The following TP53BP1 variants were observed in gnomAD, a reference collection of about 807,000 sequenced individuals.
TP53BP1 encodes the protein TP53-binding protein 1.
Under a neutral mutation model 200.8 loss-of-function variants are expected in TP53BP1, and 61 were observed. The ratio of observed to expected loss-of-function variants is 0.30; its 90% CI spans 0.25 to 0.38. TP53BP1 has a LOEUF of 0.38. Ranked by LOEUF, TP53BP1 falls within the 10% of genes least tolerant of loss-of-function variation. The probability of loss-of-function intolerance (pLI) is 1.00; values close to 1 mark genes in which losing one functional copy is unlikely to be tolerated. For missense variants in TP53BP1, 2,144 were observed against 2,371.9 expected (o/e 0.90, Z 2.00); for synonymous variants, 822 against 844.3 (o/e 0.97, Z 0.46).
Position 43,416,401 on chromosome 15 carries a change from T to G in TP53BP1, c.4697A>C (p.His1566Pro). The change falls in exon 22 of 28, where the codon CAT (histidine) becomes CCT (proline). Residue 1566 changes from histidine to proline, a missense_variant. His to Pro is a moderately conservative substitution (Grantham distance 77, BLOSUM62 -2). Around this residue, in one of 4 missense-constraint regions of TP53BP1, gnomAD observed 61 missense variants for 147.5 expected, o/e 0.41. Coordinates refer to ENST00000382044, the MANE Select transcript of TP53BP1 (RefSeq NM_001141980.3). ...EYFSAGVVKG[H>P]RKESGELYYS... ...GTACAGTTCCCCAGACTCCTTCCTA[T>G]GTCCTTTCACCACTCCTGGGGGGTG... 1 of 1,614,092 alleles carries G rather than the reference T, an allele frequency of 6.2e-7. No homozygotes were observed. Among genetic ancestry groups the G allele is most frequent in the Non-Finnish European group, 8.5e-7 (1 of 1,179,960 alleles).
chr15:43,421,241 C>G, intron 19 of TP53BP1, 67 bp from the exon 20 acceptor site: 1 of 1,561,344 alleles, frequency 6.4e-7, no homozygotes, highest in Non-Finnish European at 8.8e-7. Flanking sequence ...AAAGTCTCCC[C>G]TTGGCCCTCA....
Position 43,405,478 on chromosome 15 carries a change from A to G in TP53BP1, c.*1905T>C. On this transcript the variant is annotated 3_prime_UTR_variant, in exon 28 of 28. Transcript: ENST00000382044. Reference sequence around the variant, plus strand: ...GAACATTTGTTGGATATGTTCATTTATTCAATAGTCATTTATTGAGCACCT... The same window carrying G: ...GAACATTTGTTGGATATGTTCATTTGTTCAATAGTCATTTATTGAGCACCT... The G allele has an allele frequency of 1.8e-6, 1 of 546,830 alleles. No individual in the cohort carries two copies. The highest frequency in any genetic ancestry group is 2.4e-5 in the South Asian group (1 of 42,316). 33.9% of individuals were successfully genotyped at this position (546,830 alleles called of 1,614,324 possible).
intron 12 of TP53BP1, among the ~76,000 whole-genome samples, chr15:43,453,076 C>T (rs1427214229): frequency 2.0e-5 from 3 of 151,556 alleles, no homozygotes; most frequent in Admixed American, 6.6e-5. Flanking sequence ...CGCCTGTAAT[C>T]CCAGCTACTC....
chr15:43,461,141 C>T (rs1595585188), intron 11 of TP53BP1, among the ~76,000 whole-genome samples: 1 of 152,214 alleles, frequency 6.6e-6, no homozygotes, highest in East Asian at 1.9e-4. Context: ...TAATACTTAG[C>T]TACAAAATGG....
chr15:43,451,069 A>G (rs1193703956), intron 12 of TP53BP1, among the ~76,000 whole-genome samples: 4 of 152,108 alleles, frequency 2.6e-5, no homozygotes, highest in African/African-American at 9.7e-5. Flanking sequence ...AAATCAATAA[A>G]TCTATTAACA....
chr15:43,412,543 A>G, intron 24 of TP53BP1: 1 of 382,232 alleles, frequency 2.6e-6, no homozygotes, highest in Non-Finnish European at 5.3e-6. Context: ...AATGCAATGT[A>G]CAGATTTAAT....
chr15:43,471,979 T>C (rs552839235), intron 10 of TP53BP1, among the ~76,000 whole-genome samples: 27 of 152,334 alleles, frequency 1.8e-4, no homozygotes, highest in African/African-American at 6.5e-4. Context: ...ACAAACTTTG[T>C]AGCAGAAGAA....
intron 15 of TP53BP1, 121 bp from the exon 16 acceptor site, chr15:43,438,537 CT>C: frequency 1.4e-6 from 1 of 711,342 alleles, no homozygotes; most frequent in Non-Finnish European, 2.2e-6. Context: ...TCCAAACCAC[CT>C]TACACCAAAA....
chr15:43,430,239 C>T (rs1382161972), intron 17 of TP53BP1, among the ~76,000 whole-genome samples: 2 of 152,124 alleles, frequency 1.3e-5, no homozygotes, highest in Non-Finnish European at 2.9e-5. Context: ...AGTAGGCTGC[C>T]TATGCTTTTC....
In TP53BP1 at chr15:43,447,504, A is replaced by G; in HGVS notation, c.2717-19T>C. On this transcript the variant is annotated intron_variant, in intron 12 of 27. Transcript: ENST00000382044. ...GGGGTTTCTGAAAAAAAAAAAAAAA[A>G]GAAAAAAGAAAGAAAGAAAAAATGA... 6.8e-7 allele frequency: 1 copy of G among 1,463,204 alleles called. No individual in the cohort carries two copies. The highest frequency in any genetic ancestry group is 9.1e-7 in the Non-Finnish European group (1 of 1,098,338). 90.6% of individuals were successfully genotyped at this position (1,463,204 alleles called of 1,614,324 possible).
At position 43,404,503 on chromosome 15, in the gene TP53BP1, C is replaced by G; in HGVS notation, c.*2880G>C. On this transcript the variant is annotated 3_prime_UTR_variant, in exon 28 of 28. Coordinates refer to ENST00000382044, the MANE Select transcript of TP53BP1 (RefSeq NM_001141980.3). The stretch of plus-strand genomic sequence containing the variant: ...CTCAGATTTGGCTCAACTACTGTTA[C>G]GACTAGATTATAACAAATACTATAC... 1 of 1,614,108 alleles carries G rather than the reference C, an allele frequency of 6.2e-7. No homozygotes were observed. The highest frequency in any genetic ancestry group is 2.2e-5 in the East Asian group (1 of 44,872).
chr15:43,420,682 G>A lies in TP53BP1; in HGVS notation c.4304C>T (p.Ser1435Leu). The change falls in exon 21 of 28, where the codon TCA becomes TTA. Residue 1435 changes from serine (S) to leucine (L), a missense_variant. Physicochemically the swap from Ser to Leu is moderately radical, Grantham distance 145 (BLOSUM62 -2). Around this residue, in one of 4 missense-constraint regions of TP53BP1, gnomAD observed 1,700 missense variants for 1,710.3 expected, o/e 0.99. Transcript: ENST00000382044. Reference sequence around the variant, plus strand: ...ACGGCTGAAGGATTTATCATCTGGTGACAAGTTAGGTGAAATGTCCTCTAT... The same window carrying A: ...ACGGCTGAAGGATTTATCATCTGGTAACAAGTTAGGTGAAATGTCCTCTAT... ...LGIEDISPNL[S>L]PDDKSFSRVV... is the part of the protein sequence containing the mutation. 1 of 1,614,216 alleles carries A rather than the reference G, an allele frequency of 6.2e-7. No homozygotes were observed. The highest frequency in any genetic ancestry group is 1.1e-5 in the South Asian group (1 of 91,074).
intron 1 of TP53BP1, among the ~76,000 whole-genome samples, chr15:43,509,894 T>G (rs1247493025): frequency 6.6e-6 from 1 of 152,088 alleles, no homozygotes; most frequent in Non-Finnish European, 1.5e-5. Context: ...CAAGTGCTGC[T>G]GGAGCCCTAG....
In TP53BP1 at chr15:43,461,948, G is replaced by A. The variant is rs553414549; in HGVS notation, c.1390-4730C>T. 5.9e-5 allele frequency among the ~76,000 whole-genome samples: 9 copies of A among 151,826 alleles called. No homozygotes were observed. In the East Asian group the frequency reaches 7.8e-4, roughly 13 times the overall value. On this transcript the variant is annotated intron_variant, in intron 11 of 27. Transcript: ENST00000382044. ...GCCTCCCAAAGCTGGGATTACAAGC[G>A]TGAGCCACAGAACCTGGCCATTCTA...
intron 10 of TP53BP1, among the ~76,000 whole-genome samples, chr15:43,474,162 G>A (rs1022841698): frequency 1.6e-4 from 24 of 152,290 alleles, no homozygotes; most frequent in Admixed American, 1.3e-3. Context: ...AGGGCCGGCC[G>A]GCTGCTCCGA....
chr15:43,405,079 CA>C lies in TP53BP1; in HGVS notation c.*2303del, dbSNP rs1278888122. ...TTCTAAGCTATTGTAGCAGAAGAGT[CA>C]AAAGAAACTCTTCAGTTTTAAGATG... On this transcript the variant is annotated 3_prime_UTR_variant, in exon 28 of 28. Coordinates refer to ENST00000382044, the MANE Select transcript of TP53BP1 (RefSeq NM_001141980.3). 3 of 1,137,160 alleles carry C rather than the reference CA, an allele frequency of 2.6e-6. No individual in the cohort carries two copies. In the East Asian group the frequency reaches 7.3e-5, roughly 27 times the overall value. 70.4% of individuals were successfully genotyped at this position (1,137,160 alleles called of 1,614,324 possible). A position where few individuals can be genotyped will look rare whatever the true frequency, so the allele number is the denominator to read the frequency against.
At chr15:43,443,587 CA>C (rs2045976705) in intron 14 of TP53BP1, among the ~76,000 whole-genome samples, 1 of 152,012 alleles carries the variant, frequency 6.6e-6, no homozygotes, top group Non-Finnish European at 1.5e-5. Flanking sequence ...CCCACCTACT[CA>C]GGGGGCTAAG....
At chr15:43,470,541 C>G (rs1350797051) in intron 10 of TP53BP1, among the ~76,000 whole-genome samples, 1 of 152,166 alleles carries the variant, frequency 6.6e-6, no homozygotes, top group Non-Finnish European at 1.5e-5. Flanking sequence ...CAATTGCTAA[C>G]TGCAGAGAGA....
At chr15:43,470,121 T>C in intron 10 of TP53BP1, 55 bp from the exon 11 acceptor site, 2 of 1,421,146 alleles carry the variant, frequency 1.4e-6, no homozygotes, top group Non-Finnish European at 2.0e-6. Context: ...ATATTACTCA[T>C]GTTCCAAAAC....
Sources: gnomAD v4.1 joint callset for allele counts (sites outside exome capture counted in the v4.1 genomes callset) on GRCh38, gnomAD v4.1.1 for gene constraint, gnomAD v4.1.1 regional missense constraint, MANE v1.5 for transcripts, NCBI Gene and HGNC (gene_info 2026-07-23, HGNC 2026-07-21) for gene names.